The following SLCO3A1 variants were observed in gnomAD, a reference collection of about 807,000 sequenced individuals.
The protein encoded by SLCO3A1 is PGE1 transporter.
In SLCO3A1, 27 loss-of-function variants were observed where a neutral mutation model predicts 63.1. That is an observed-to-expected ratio of 0.43 (90% confidence interval 0.32 to 0.59). The LOEUF (loss-of-function observed/expected upper bound fraction) is 0.59. Among genes scored for constraint, SLCO3A1 ranks in the 20% least tolerant of loss-of-function variants. SLCO3A1 has a pLI of 0.09. For missense variants in SLCO3A1, 773 were observed against 945.8 expected (o/e 0.82, Z 2.40); for synonymous variants, 473 against 409.9 (o/e 1.15, Z -1.86).
Position 91,968,088 on chromosome 15 carries a change from A to G in SLCO3A1, c.646+51630A>G, listed in dbSNP as rs1200852398. 6.6e-6 allele frequency among the ~76,000 whole-genome samples: 1 copy of G among 152,032 alleles called. No homozygotes were observed. Among genetic ancestry groups the G allele is most frequent in the Non-Finnish European group, 1.5e-5 (1 of 68,004 alleles). ...CCCCTGCCTAGTCGCCCTGGAAAGT[A>G]CCCAGGGAAGCCACTTACGGCCTAT... On this transcript the variant is annotated intron_variant, in intron 2 of 9. Coordinates refer to ENST00000318445, the MANE Select transcript of SLCO3A1 (RefSeq NM_013272.4). The surrounding 1 kb of genome is among the most constrained non-coding windows in gnomAD (Gnocchi z 4.2).
intron 1 of SLCO3A1, among the ~76,000 whole-genome samples, chr15:91,888,560 T>A (rs1897784934): frequency 1.3e-5 from 2 of 152,170 alleles, no homozygotes; most frequent in African/African-American, 2.4e-5. Flanking sequence ...AAATCTCAAT[T>A]TTTTTTCCTA....
intron 2 of SLCO3A1, among the ~76,000 whole-genome samples, chr15:92,050,990 T>C (rs540206433): frequency 6.6e-6 from 1 of 152,196 alleles, no homozygotes; most frequent in Admixed American, 6.5e-5. Flanking sequence ...CCAGCCCAAA[T>C]CCACCTTCTT....
At chr15:91,902,356 G>C (rs1377070797) in intron 1 of SLCO3A1, among the ~76,000 whole-genome samples, 3 of 151,872 alleles carry the variant, frequency 2.0e-5, no homozygotes, top group South Asian at 4.2e-4. Context: ...TGTGCTCATG[G>C]CTTTCTGGTC....
chr15:92,146,963 G>T, intron 7 of SLCO3A1, 21 bp from the exon 8 acceptor site: 1 of 1,592,164 alleles, frequency 6.3e-7, no homozygotes, highest in Non-Finnish European at 8.5e-7. Flanking sequence ...CAGATAAAAG[G>T]GCTGAACGCT....
chr15:92,077,216 A>G (rs915205210), intron 2 of SLCO3A1, among the ~76,000 whole-genome samples: 10 of 151,808 alleles, frequency 6.6e-5, no homozygotes, highest in Admixed American at 1.3e-4. Flanking sequence ...GGGAGCTACA[A>G]TTCAAGATGA....
Position 92,047,571 on chromosome 15 carries a change from A to AAT in SLCO3A1, c.647-47300_647-47299dup, listed in dbSNP as rs1189839074. 2.3e-4 allele frequency among the ~76,000 whole-genome samples: 2 copies of AAT among 8,802 alleles called. 1 individual carries two copies. The highest frequency in any genetic ancestry group is 4.2e-4 in the Non-Finnish European group (2 of 4,810). The allele number at this position is 8,802 out of a possible 152,430, so 5.8% of individuals were successfully genotyped here. On this transcript the variant is annotated intron_variant, in intron 2 of 9. Coordinates refer to ENST00000318445, the MANE Select transcript of SLCO3A1 (RefSeq NM_013272.4). ...ATATAAATATATAAATATATATATAAATATATATATAATATATATATAATA... is the reference window on the plus strand; with the variant it reads ...ATATAAATATATAAATATATATATAAATATATATATATAATATATATATAATA...
At chr15:91,906,319 G>A (rs761871208) in intron 1 of SLCO3A1, among the ~76,000 whole-genome samples, 30 of 152,190 alleles carry the variant, frequency 2.0e-4, no homozygotes, top group African/African-American at 2.7e-4. Context: ...TCTTTATTCC[G>A]GTAGAGAGAA....
intron 1 of SLCO3A1, among the ~76,000 whole-genome samples, chr15:91,861,669 C>T (rs1446493629): frequency 6.6e-6 from 1 of 152,176 alleles, no homozygotes; most frequent in South Asian, 2.1e-4. Flanking sequence ...GGGTCTTGCT[C>T]TATCATCCAG....
intron 2 of SLCO3A1, among the ~76,000 whole-genome samples, chr15:91,956,968 A>ATATATAG (rs1900205300): frequency 7.9e-4 from 12 of 15,162 alleles, no homozygotes; most frequent in African/African-American, 4.4e-3. Flanking sequence ...ATTTATATAT[A>ATATATAG]TATATATAGT....
chr15:92,017,137 A>G (rs1387846658), intron 2 of SLCO3A1, among the ~76,000 whole-genome samples: 3 of 152,342 alleles, frequency 2.0e-5, no homozygotes, highest in East Asian at 3.9e-4. Context: ...AAAGAGCCCA[A>G]AGAAGACAAC....
rs185044756 is a variant in SLCO3A1 at position 92,030,963 on chromosome 15, C to T, written c.647-63918C>T. 2.1e-3 allele frequency among the ~76,000 whole-genome samples: 253 copies of T among 120,238 alleles called. 2 individuals are homozygous for T. In the Admixed American group the frequency reaches 0.025, roughly 12 times the overall value. 78.9% of individuals were successfully genotyped at this position (120,238 alleles called of 152,430 possible). A position where few individuals can be genotyped will look rare whatever the true frequency, so the allele number is the denominator to read the frequency against. On this transcript the variant is annotated intron_variant, in intron 2 of 9. Coordinates refer to ENST00000318445, the MANE Select transcript of SLCO3A1 (RefSeq NM_013272.4). ...CTGGAATGAGTGTGCTGTAGAATTACATAAATGCACCTGTAGCTGCAGCAT... is the reference window on the plus strand; with the variant it reads ...CTGGAATGAGTGTGCTGTAGAATTATATAAATGCACCTGTAGCTGCAGCAT...
At chr15:92,044,444 C>T (rs1228978951) in intron 2 of SLCO3A1, among the ~76,000 whole-genome samples, 2 of 152,140 alleles carry the variant, frequency 1.3e-5, no homozygotes, top group African/African-American at 2.4e-5. Flanking sequence ...GCCACATCCT[C>T]ATTCTCTCAG....
chr15:92,126,381 C>G (rs112906771), intron 6 of SLCO3A1, 122 bp downstream of exon 6: 7 of 747,230 alleles, frequency 9.4e-6, no homozygotes, highest in Non-Finnish European at 1.6e-5. Flanking sequence ...TCACGGCTGC[C>G]TCTGCATCTT....
intron 4 of SLCO3A1, among the ~76,000 whole-genome samples, chr15:92,107,864 A>G (rs1421382497): frequency 6.6e-6 from 1 of 152,224 alleles, no homozygotes; most frequent in African/African-American, 2.4e-5. Context: ...CTTCTTAATC[A>G]TGCAGCCTTG....
At chr15:92,042,194 C>T (rs1361606931) in intron 2 of SLCO3A1, among the ~76,000 whole-genome samples, 1 of 152,174 alleles carries the variant, frequency 6.6e-6, no homozygotes, top group Non-Finnish European at 1.5e-5. Context: ...CTTGAGTAAA[C>T]ACTTTTACTC....
intron 2 of SLCO3A1, among the ~76,000 whole-genome samples, chr15:91,917,482 G>C (rs1457331811): frequency 6.6e-6 from 1 of 152,188 alleles, no homozygotes; most frequent in Non-Finnish European, 1.5e-5. Context: ...ATTTTTCTCT[G>C]TGTCTTTCTG....
intron 2 of SLCO3A1, among the ~76,000 whole-genome samples, chr15:92,046,985 GTATATATAAATATA>G (rs1395544054): frequency 9.1e-4 from 41 of 44,888 alleles, no homozygotes; most frequent in African/African-American, 3.2e-3. Context: ...TTAAATATAT[GTATATATAAATATA>G]TATATATAAA....
At chr15:91,934,227 G>C (rs1303745169) in intron 2 of SLCO3A1, among the ~76,000 whole-genome samples, 1 of 152,136 alleles carries the variant, frequency 6.6e-6, no homozygotes, top group Non-Finnish European at 1.5e-5. Flanking sequence ...TTACAGGAGA[G>C]GAATACTGAA....
chr15:92,144,812 C>T lies in SLCO3A1; in HGVS notation c.1513-2172C>T, dbSNP rs150778825. Among the ~76,000 whole-genome samples, 291 of 152,260 alleles carry T rather than the reference C, an allele frequency of 1.9e-3. 2 individuals are homozygous for T. In the Middle Eastern group the frequency reaches 0.037, roughly 20 times the overall value. On this transcript the variant is annotated intron_variant, in intron 7 of 9. Transcript: ENST00000318445. ...AAGCACAGAAGCCAGCACCGGCACTCGTTCCTGGAGGCAGTTTTGATGCCT... is the reference window on the plus strand; with the variant it reads ...AAGCACAGAAGCCAGCACCGGCACTTGTTCCTGGAGGCAGTTTTGATGCCT...
Sources: gnomAD v4.1 joint callset for allele counts (sites outside exome capture counted in the v4.1 genomes callset) on GRCh38, gnomAD v4.1.1 for gene constraint, Gnocchi (gnomAD v3.1) non-coding constraint, MANE v1.5 for transcripts, NCBI Gene and HGNC (gene_info 2026-07-23, HGNC 2026-07-21) for gene names.